ENPP2: variants seen among roughly 807,000 people sequenced by gnomAD.
ENPP2 encodes ectonucleotide pyrophosphatase/phosphodiesterase 2, also known as autotaxin.
In ENPP2, 51 loss-of-function variants were observed where a neutral mutation model predicts 120.2. That is an observed-to-expected ratio of 0.42 (90% CI 0.34 to 0.54). The LOEUF (loss-of-function observed/expected upper bound fraction) is 0.54, where lower values mean the gene tolerates loss of function less well. Ranked by LOEUF, ENPP2 falls within the 20% of genes least tolerant of loss-of-function variation. The pLI is 0.04. For synonymous variants in ENPP2, 365 were observed against 366.4 expected, an observed-to-expected ratio of 1.00 and a Z score of 0.04; for missense variants, 920 against 1,066.5, an observed-to-expected ratio of 0.86 and a Z score of 1.91.
At chr8:119,596,096 G>A in intron 11 of ENPP2, 1 of 1,198,972 alleles carries the variant, frequency 8.3e-7, no homozygotes, top group South Asian at 1.4e-5. Context: ...GATCAGCAGA[G>A]TCTCAGAATA....
chr8:119,626,483 G>A (rs1314476065), intron 3 of ENPP2, 82 bp downstream of exon 3: 1 of 1,078,412 alleles, frequency 9.3e-7, no homozygotes, highest in African/African-American at 1.8e-5. Flanking sequence ...CCAAAGCAGG[G>A]TGGCCACTCC....
At position 119,568,172 on chromosome 8, in the gene ENPP2, T is replaced by TA. The variant is rs1395702584; in HGVS notation, c.2131+2dup. Reference sequence around the variant, plus strand: ...CAGTGTATTAGGTAAATATTGGACTTACGTTTGAAAGCAGGATACATTGGA... The same window carrying TA: ...CAGTGTATTAGGTAAATATTGGACTTAACGTTTGAAAGCAGGATACATTGGA... On this transcript the variant is annotated splice_region_variant and intron_variant, in intron 22 of 24. Coordinates refer to ENST00000075322, the MANE Select transcript of ENPP2 (RefSeq NM_001040092.3). 6.6e-7 allele frequency: 1 copy of TA among 1,511,048 alleles called. No homozygotes were observed. The highest frequency in any genetic ancestry group is 9.2e-7 in the Non-Finnish European group (1 of 1,088,512). 93.6% of individuals were successfully genotyped at this position (1,511,048 alleles called of 1,614,324 possible). A position where few individuals can be genotyped will look rare whatever the true frequency, so the allele number is the denominator to read the frequency against.
chr8:119,607,666 C>T (rs1814815589), intron 9 of ENPP2, among the ~76,000 whole-genome samples: 1 of 146,624 alleles, frequency 6.8e-6, no homozygotes, highest in African/African-American at 2.6e-5. Context: ...CAGGGCAAGA[C>T]TCCATCTCAA....
At chr8:119,643,935 C>T (rs1817354922) in intron 1 of ENPP2, among the ~76,000 whole-genome samples, 1 of 152,016 alleles carries the variant, frequency 6.6e-6, no homozygotes, top group African/African-American at 2.4e-5. Context: ...GGAGAGAGAA[C>T]AGGCAAAGAT....
chr8:119,665,874 G>A (rs1281848834), intron 1 of ENPP2, among the ~76,000 whole-genome samples: 3 of 152,086 alleles, frequency 2.0e-5, no homozygotes, highest in African/African-American at 7.2e-5. Flanking sequence ...AGACCAAATG[G>A]ATGCATAAAT....
Position 119,619,228 on chromosome 8 carries a change from C to A in ENPP2, c.479+16G>T. The A allele has an allele frequency of 6.3e-7, 1 of 1,582,384 alleles. No homozygotes were observed. The highest frequency in any genetic ancestry group is 1.7e-5 in the Admixed American group (1 of 59,378). ...CTAATACATAAAACTTCAAAATAGT[C>A]ATAAAATACACTTACCCTGCAGGGC... On this transcript the variant is annotated intron_variant, in intron 5 of 24. Transcript: ENST00000075322.
chr8:119,604,593 A>C (rs34251243), intron 9 of ENPP2, among the ~76,000 whole-genome samples: 75,951 of 150,274 alleles, frequency 0.51, 19,446 homozygotes, highest in South Asian at 0.7. Flanking sequence ...TGGTCAAAAA[A>C]AAAAAAAAAA....
intron 24 of ENPP2, among the ~76,000 whole-genome samples, chr8:119,562,530 T>C (rs564797913): frequency 5.3e-5 from 8 of 152,364 alleles, no homozygotes; most frequent in African/African-American, 1.4e-4. Flanking sequence ...TCAACAATTA[T>C]CAAAATTTTG....
rs33966650 is a variant in ENPP2, at chr8:119,644,587, A to AATATATATATATATATAT, written c.22-6078_22-6061dup. 1.4e-3 allele frequency among the ~76,000 whole-genome samples: 83 copies of AATATATATATATATATAT among 59,924 alleles called. 1 individual carries two copies. Among genetic ancestry groups the AATATATATATATATATAT allele is most frequent in the East Asian group, 5.1e-3 (3 of 590 alleles). 39.3% of individuals were successfully genotyped at this position (59,924 alleles called of 152,430 possible). The stretch of plus-strand genomic sequence containing the variant: ...TTCTGCTGTGACTGGAGATTACTAA[A>AATATATATATATATATAT]ATATATATATATATATATATATATA... On this transcript the variant is annotated intron_variant, in intron 1 of 25. Coordinates refer to the ENPP2 transcript ENST00000427067.
intron 2 of ENPP2, among the ~76,000 whole-genome samples, chr8:119,636,073 C>T (rs1277529196): frequency 6.6e-6 from 1 of 152,166 alleles, no homozygotes; most frequent in Admixed American, 6.5e-5. Context: ...GAGCACTGAG[C>T]TTCCCAGGAT....
chr8:119,586,286 G>A lies in ENPP2; in HGVS notation c.1267C>T (p.Pro423Ser), dbSNP rs200238911. The A allele has an allele frequency of 1.2e-6, 2 of 1,613,876 alleles. No individual in the cohort carries two copies. The highest frequency in any genetic ancestry group is 1.7e-4 in the Middle Eastern group (1 of 6,060). Residue 423 changes from proline (P) to serine (S), a missense_variant, in exon 15 of 25, where the codon CCT (proline) becomes TCT (serine). By Grantham distance (74) the Pro-to-Ser change is moderately conservative. Transcript: ENST00000075322. ...TTGGGAAGGTGCTGTTTCAAGTAAG[G>A]CTTAAAGTGCTGATCTGGTTTTTTA... ...TCKKPDQHFKPYLKQHLPKRL... is the reference protein window; with the variant it reads ...TCKKPDQHFKSYLKQHLPKRL...
intron 1 of ENPP2, among the ~76,000 whole-genome samples, chr8:119,669,737 C>T (rs531251591): frequency 3.9e-4 from 59 of 152,174 alleles, no homozygotes; most frequent in Non-Finnish European, 7.5e-4. Context: ...GTGTATCCTG[C>T]ATTTTTTTCT....
chr8:119,638,370 A>G (rs1488591554), intron 2 of ENPP2, 55 bp downstream of exon 2: 4 of 842,048 alleles, frequency 4.8e-6, no homozygotes, highest in Non-Finnish European at 8.2e-6. Context: ...TACATTGATT[A>G]CCCCGTATGT....
rs1044780683 is a variant in ENPP2, at chr8:119,603,683, A to T, written c.834-2221T>A. On this transcript the variant is annotated intron_variant, in intron 9 of 24. Transcript: ENST00000075322. ...GGGCACATAGAAAGGGTTTAGAAAA[A>T]TGTTAGCTTTTATTGTTATATACTA... Among the ~76,000 whole-genome samples the T allele has an allele frequency of 2.6e-5, 4 of 152,204 alleles. No individual in the cohort carries two copies. In the East Asian group the frequency reaches 7.7e-4, roughly 29 times the overall value.
chr8:119,635,131 C>A (rs962964874), intron 2 of ENPP2, among the ~76,000 whole-genome samples: 7 of 152,310 alleles, frequency 4.6e-5, no homozygotes, highest in Middle Eastern at 3.4e-3. Context: ...AGCAAAATTT[C>A]TAAAATTATC....
chr8:119,610,556 C>T (rs1003680243), intron 8 of ENPP2, among the ~76,000 whole-genome samples: 4 of 151,274 alleles, frequency 2.6e-5, no homozygotes, highest in African/African-American at 9.7e-5. Flanking sequence ...ATATAAGTGT[C>T]AAAGTTTCTC....
chr8:119,600,067 T>C (rs1188783703), intron 11 of ENPP2, among the ~76,000 whole-genome samples: 4 of 151,960 alleles, frequency 2.6e-5, no homozygotes, highest in South Asian at 2.1e-4. Context: ...CAGTGGTATA[T>C]TTTTCTCAAG....
chr8:119,587,874 G>T (rs953202687), intron 13 of ENPP2, among the ~76,000 whole-genome samples: 2 of 152,184 alleles, frequency 1.3e-5, no homozygotes, highest in Non-Finnish European at 2.9e-5. Context: ...AAGGAAAGTG[G>T]TGTTCAGAAG....
chr8:119,635,454 C>T (rs1224452196), intron 2 of ENPP2, among the ~76,000 whole-genome samples: 1 of 152,178 alleles, frequency 6.6e-6, no homozygotes, highest in Non-Finnish European at 1.5e-5. Flanking sequence ...TCACAAGTTT[C>T]AATAAAATAG....
Sources: gnomAD v4.1 joint callset for allele counts (sites outside exome capture counted in the v4.1 genomes callset) on GRCh38, gnomAD v4.1.1 for gene constraint, MANE v1.5 for transcripts, NCBI Gene and HGNC (gene_info 2026-07-23, HGNC 2026-07-21) for gene names.